NECAB1: variants seen among roughly 807,000 people sequenced by gnomAD.
The protein encoded by NECAB1 is N-terminal EF-hand calcium binding protein 1.
Under a neutral mutation model 57.5 loss-of-function variants are expected in NECAB1, and 29 were observed. That is an observed-to-expected ratio of 0.50 (90% confidence interval 0.38 to 0.69). The LOEUF is 0.69. NECAB1 is among the 30% of genes least tolerant of loss of function. The pLI is 0.00. For missense variants in NECAB1, 372 were observed against 413.8 expected, an observed-to-expected ratio of 0.90 and a Z score of 0.88; for synonymous variants, 142 against 147.7, an observed-to-expected ratio of 0.96 and a Z score of 0.28.
chr8:90,922,143 CT>C (rs1369232909), intron 6 of NECAB1, among the ~76,000 whole-genome samples: 16 of 152,222 alleles, frequency 1.1e-4, no homozygotes, highest in African/African-American at 3.6e-4. Context: ...AAGTTTCCCC[CT>C]AGGGGTCCCC....
chr8:90,876,744 GGCTTACTACATCT>G (rs1808734217), intron 4 of NECAB1, among the ~76,000 whole-genome samples: 1 of 151,988 alleles, frequency 6.6e-6, no homozygotes, highest in African/African-American at 2.4e-5. Flanking sequence ...ACAGATAACA[GGCTTACTACATCT>G]GCTTATAAAC....
intron 5 of NECAB1, among the ~76,000 whole-genome samples, chr8:90,896,604 C>CG (rs1809343134): frequency 3.4e-5 from 4 of 117,288 alleles, no homozygotes; most frequent in South Asian, 5.6e-4. Flanking sequence ...GACTCCGTCT[C>CG]AAAAAAAAAC....
intron 3 of NECAB1, among the ~76,000 whole-genome samples, chr8:90,852,517 A>G (rs1362544969): frequency 6.6e-6 from 1 of 152,142 alleles, no homozygotes; most frequent in Non-Finnish European, 1.5e-5. Flanking sequence ...GTGGCCCAAA[A>G]TGAGAACCTA....
intron 5 of NECAB1, among the ~76,000 whole-genome samples, chr8:90,891,141 A>C (rs1809155137): frequency 6.6e-6 from 1 of 152,246 alleles, no homozygotes; most frequent in Non-Finnish European, 1.5e-5. Context: ...AATTTGGGGA[A>C]TACAGAGTGT....
intron 2 of NECAB1, among the ~76,000 whole-genome samples, chr8:90,809,795 AT>A: frequency 6.6e-6 from 1 of 152,256 alleles, no homozygotes; most frequent in South Asian, 2.1e-4. Flanking sequence ...GTTTTTCTTA[AT>A]ATTCAAAATC....
chr8:90,845,473 G>T (rs1277214740), intron 3 of NECAB1, among the ~76,000 whole-genome samples: 1 of 152,130 alleles, frequency 6.6e-6, no homozygotes, highest in Non-Finnish European at 1.5e-5. Context: ...TACCCAGTAT[G>T]CTACTTCATG....
chr8:90,853,318 G>A lies in NECAB1; in HGVS notation c.234-18810G>A, dbSNP rs562364377. 2.2e-4 allele frequency among the ~76,000 whole-genome samples: 33 copies of A among 152,334 alleles called. 1 individual carries two copies. The highest frequency in any genetic ancestry group is 1.7e-3 in the South Asian group (8 of 4,826). On this transcript the variant is annotated intron_variant, in intron 3 of 12. Transcript: ENST00000417640. ...TCTCCCACAAGGAGTTGAAAGCTGC[G>A]GGCTGGGTAAATGAGGCAACACTGC... is the stretch of plus-strand genomic sequence containing the variant.
rs188395718 is a variant in NECAB1 at position 90,894,083 on chromosome 8, A to T, written c.357+12953A>T. ...GAAACAGAGGCTGATTTTCATGCTG[A>T]TAACCTAAAAAGCAAGGAGGAGAAA... On this transcript the variant is annotated intron_variant, in intron 5 of 12. Transcript: ENST00000417640. 9.5e-4 allele frequency among the ~76,000 whole-genome samples: 145 copies of T among 152,296 alleles called. 1 individual carries two copies. The highest frequency in any genetic ancestry group is 5.6e-3 in the Admixed American group (85 of 15,294).
At chr8:90,852,431 C>G (rs188790346) in intron 3 of NECAB1, among the ~76,000 whole-genome samples, 1 of 152,292 alleles carries the variant, frequency 6.6e-6, no homozygotes, top group Non-Finnish European at 1.5e-5. Context: ...GTGATAGGGA[C>G]AGGAGGCAGA....
At chr8:90,933,741 CT>C (rs1320152825) in intron 8 of NECAB1, among the ~76,000 whole-genome samples, 1 of 151,514 alleles carries the variant, frequency 6.6e-6, no homozygotes, top group Non-Finnish European at 1.5e-5. Context: ...AAAAAAAAAA[CT>C]TTTTTTTAAG....
chr8:90,871,897 TGCA>T (rs977044086), intron 3 of NECAB1, among the ~76,000 whole-genome samples: 9 of 152,284 alleles, frequency 5.9e-5, no homozygotes, highest in African/African-American at 2.2e-4. Flanking sequence ...CCCATCATGT[TGCA>T]GAGGAAAATA....
chr8:90,924,179 C>T (rs1810201831), intron 6 of NECAB1, among the ~76,000 whole-genome samples: 1 of 152,130 alleles, frequency 6.6e-6, no homozygotes, highest in African/African-American at 2.4e-5. Flanking sequence ...GGATATAGAA[C>T]ACAATGGAGC....
In NECAB1 at chr8:90,834,383, G is replaced by A. The variant is rs1812337025; in HGVS notation, c.233+9558G>A. The stretch of plus-strand genomic sequence containing the variant: ...CACAGTGATAGTATTAAAAGAGAGG[G>A]CCTTTGGCAAATGACTAGGTCATAA... On this transcript the variant is annotated intron_variant, in intron 3 of 12. Coordinates refer to ENST00000417640, the MANE Select transcript of NECAB1 (RefSeq NM_022351.5). Among the ~76,000 whole-genome samples the A allele has an allele frequency of 2.6e-5, 4 of 152,140 alleles. No homozygotes were observed. In the South Asian group the frequency reaches 8.3e-4, roughly 32 times the overall value.
chr8:90,949,801 T>G lies in NECAB1; in HGVS notation c.861-6T>G. On this transcript the variant is annotated splice_polypyrimidine_tract_variant and splice_region_variant and intron_variant, in intron 10 of 12. Transcript: ENST00000417640. ...AGCTAATTATGCCTTTTATTTTCCA[T>G]TTCAGTATTTCTATACAGAAGCTTT... The G allele has an allele frequency of 6.4e-7, 1 of 1,570,198 alleles. No individual in the cohort carries two copies. Among genetic ancestry groups the G allele is most frequent in the Non-Finnish European group, 8.7e-7 (1 of 1,147,194 alleles).
chr8:90,837,457 C>T (rs1481067140), intron 3 of NECAB1, among the ~76,000 whole-genome samples: 2 of 152,214 alleles, frequency 1.3e-5, no homozygotes, highest in Non-Finnish European at 2.9e-5. Flanking sequence ...CTTCTCCACA[C>T]TATTTAGAAC....
chr8:90,932,736 G>C (rs1810440184), intron 8 of NECAB1, among the ~76,000 whole-genome samples: 1 of 152,148 alleles, frequency 6.6e-6, no homozygotes, highest in Admixed American at 6.5e-5. Context: ...TGTTATTTCA[G>C]ATAGTCTGGA....
intron 2 of NECAB1, among the ~76,000 whole-genome samples, chr8:90,822,584 G>A (rs1051987787): frequency 1.3e-5 from 2 of 151,416 alleles, no homozygotes; most frequent in Non-Finnish European, 3.0e-5. Context: ...AGAATCATCA[G>A]AGCCCTTATT....
At chr8:90,917,825 C>G (rs1711764973) in intron 6 of NECAB1, among the ~76,000 whole-genome samples, 197 bp downstream of exon 6, 1 of 97,474 alleles carries the variant, frequency 1.0e-5, no homozygotes, top group East Asian at 4.0e-4. Flanking sequence ...CTTTTACTGT[C>G]AGTCATTTAG....
chr8:90,834,164 CAAAAAAAA>C (rs71560282), intron 3 of NECAB1, among the ~76,000 whole-genome samples: 1 of 49,136 alleles, frequency 2.0e-5, no homozygotes, highest in Non-Finnish European at 4.0e-5. Flanking sequence ...AACTGTGTCT[CAAAAAAAA>C]AAAAAAAAAA....
Sources: allele counts gnomAD v4.1 joint callset (sites outside exome capture counted in the v4.1 genomes callset), GRCh38; gene constraint gnomAD v4.1.1; transcripts MANE v1.5; gene names NCBI Gene and HGNC (gene_info 2026-07-23, HGNC 2026-07-21).